Variants in KMT2C observed in about 807,000 individuals in gnomAD.
KMT2C encodes the protein histone-lysine N-methyltransferase 2C.
KMT2C carries 88 observed loss-of-function variants against 507.9 expected under a neutral mutation model. That is an observed-to-expected ratio of 0.17 (90% CI 0.15 to 0.21). The LOEUF is 0.21. KMT2C is among the 10% of genes least tolerant of loss of function. The pLI is 1.00. For missense variants in KMT2C, 4,954 were observed against 5,957.8 expected (o/e 0.83, Z 5.55); for synonymous variants, 2,049 against 2,080.8 (o/e 0.98, Z 0.42).
chr7:152,182,096 G>C lies in KMT2C; in HGVS notation c.5764C>G (p.Pro1922Ala), dbSNP rs753649191. 6.2e-7 allele frequency: 1 copy of C among 1,614,208 alleles called. No homozygotes were observed. The highest frequency in any genetic ancestry group is 1.1e-5 in the South Asian group (1 of 91,082). ...HSFSRRNSAA[P>A]VENCTPLSSV... ...GATAAAGGTGTACAGTTTTCCACTG[G>C]TGCAGCAGAATTTCTTCTGGAAAAA... The change falls in exon 36 of 59, where the codon CCA becomes GCA. Residue 1922 changes from proline to alanine, a missense_variant. Physicochemically the swap from Pro to Ala is conservative, Grantham distance 27. Transcript: ENST00000262189.
chr7:152,255,676 A>C (rs1490307518), intron 9 of KMT2C, among the ~76,000 whole-genome samples: 1 of 152,196 alleles, frequency 6.6e-6, no homozygotes, highest in Non-Finnish European at 1.5e-5. Flanking sequence ...ATGAATAGAC[A>C]GATCGATGGA....
intron 31 of KMT2C, among the ~76,000 whole-genome samples, chr7:152,192,192 G>A (rs538456936): frequency 6.6e-6 from 1 of 152,198 alleles, no homozygotes; most frequent in Non-Finnish European, 1.5e-5. Flanking sequence ...AAAACATAAA[G>A]ACAGGTCATT....
chr7:152,361,521 CCA>C (rs1159526750), intron 1 of KMT2C, among the ~76,000 whole-genome samples: 1 of 151,890 alleles, frequency 6.6e-6, no homozygotes, highest in Non-Finnish European at 1.5e-5. Context: ...TGAGATCACA[CCA>C]TTGCACTCCA....
At chr7:152,329,680 A>AAGGGAGGGAAGG (rs2096862144) in intron 3 of KMT2C, among the ~76,000 whole-genome samples, 1 of 143,122 alleles carries the variant, frequency 7.0e-6, no homozygotes, top group Non-Finnish European at 1.5e-5. Context: ...AGGAGGGAGA[A>AAGGGAGGGAAGG]AGGGAGGGAA....
At chr7:152,259,487 CACAGAG>C (rs1189006954) in intron 9 of KMT2C, among the ~76,000 whole-genome samples, 2 of 132,176 alleles carry the variant, frequency 1.5e-5, no homozygotes, top group East Asian at 5.3e-4. Flanking sequence ...CACACACACA[CACAGAG>C]AAAGCAAGAG....
chr7:152,374,825 G>A (rs954087806), intron 1 of KMT2C, among the ~76,000 whole-genome samples: 20 of 150,766 alleles, frequency 1.3e-4, no homozygotes, highest in African/African-American at 3.7e-4. Context: ...GGAGCTTGCA[G>A]TGAGCCGAGA....
chr7:152,393,216 G>A (rs571759292), intron 1 of KMT2C, among the ~76,000 whole-genome samples: 50 of 152,214 alleles, frequency 3.3e-4, no homozygotes, highest in Non-Finnish European at 6.2e-4. Flanking sequence ...CCCAGAATAG[G>A]AAAAACTATA....
chr7:152,272,615 G>A (rs753635107), intron 7 of KMT2C, among the ~76,000 whole-genome samples: 1 of 152,134 alleles, frequency 6.6e-6, no homozygotes, highest in Admixed American at 6.5e-5. Context: ...ACAATCTAAC[G>A]CATTTTAAAA....
At chr7:152,394,710 G>A (rs1028869923) in intron 1 of KMT2C, among the ~76,000 whole-genome samples, 11 of 152,018 alleles carry the variant, frequency 7.2e-5, no homozygotes, top group Non-Finnish European at 1.0e-4. Flanking sequence ...ATATAAGCCC[G>A]TGAAGGAAGG....
At chr7:152,367,471 G>A in intron 1 of KMT2C, 1 of 800,994 alleles carries the variant, frequency 1.2e-6, no homozygotes, top group Non-Finnish European at 2.1e-6. Context: ...ACCCACCTCG[G>A]CCTCCCAAAG....
At chr7:152,393,898 C>CA (rs745616896) in intron 1 of KMT2C, among the ~76,000 whole-genome samples, 22,167 of 64,904 alleles carry the variant, frequency 0.34, 2,752 homozygotes, top group African/African-American at 0.42. Context: ...AACTCCATCT[C>CA]AAAAAAAAAA....
chr7:152,216,580 T>G (rs369736384), intron 23 of KMT2C, among the ~76,000 whole-genome samples: 15 of 152,330 alleles, frequency 9.8e-5, no homozygotes, highest in Non-Finnish European at 2.2e-4. Flanking sequence ...GTATTGTACT[T>G]TTTAATAAAG....
intron 2 of KMT2C, among the ~76,000 whole-genome samples, chr7:152,338,562 C>A (rs376848936): frequency 1.1e-4 from 16 of 152,166 alleles, no homozygotes; most frequent in East Asian, 9.6e-4. Flanking sequence ...TCAAAGTGTG[C>A]CTAATAGTTC....
rs758091920 is a variant in KMT2C, at chr7:152,162,844, T to G, written c.10733A>C (p.His3578Pro). 6.2e-7 allele frequency: 1 copy of G among 1,614,138 alleles called. No individual in the cohort carries two copies. The highest frequency in any genetic ancestry group is 1.7e-5 in the Admixed American group (1 of 60,022). The change falls in exon 43 of 59, where the codon CAT becomes CCT. Residue 3578 changes from histidine to proline, a missense_variant. His to Pro is a moderately conservative substitution (Grantham distance 77). Around this residue, in one of 29 missense-constraint regions of KMT2C, gnomAD observed 801 missense variants for 751.2 expected, o/e 1.07. Transcript: ENST00000262189. ...GGTTGATCCCGGATAACTGTGTCCA[T>G]GGGTTATAGTAGAATCTTGGCCACA... ...LPCGQDSTIT[H>P]GHSYPGSTQS...
At chr7:152,409,178 T>C (rs1369249304) in intron 1 of KMT2C, among the ~76,000 whole-genome samples, 1 of 152,006 alleles carries the variant, frequency 6.6e-6, no homozygotes, top group African/African-American at 2.4e-5. Flanking sequence ...GGCTAATTTT[T>C]GTATTTTTTT....
At chr7:152,315,492 A>G (rs1461109972) in intron 3 of KMT2C, among the ~76,000 whole-genome samples, 154 bp from the exon 4 acceptor site, 1 of 152,272 alleles carries the variant, frequency 6.6e-6, no homozygotes, top group Non-Finnish European at 1.5e-5. Flanking sequence ...GTGATTACCC[A>G]TAAGAACAAT....
At chr7:152,216,689 C>T (rs1221150580) in intron 23 of KMT2C, among the ~76,000 whole-genome samples, 2 of 152,118 alleles carry the variant, frequency 1.3e-5, no homozygotes, top group Non-Finnish European at 2.9e-5. Context: ...GACATGGAAA[C>T]ATTAAGCTCA....
chr7:152,199,561 G>A, intron 26 of KMT2C, 102 bp from the exon 27 acceptor site: 1 of 641,010 alleles, frequency 1.6e-6, no homozygotes, highest in South Asian at 2.9e-5. Context: ...TAACAGAAAA[G>A]GTTTATATTT....
At chr7:152,247,610 A>C (rs2095493958) in intron 14 of KMT2C, among the ~76,000 whole-genome samples, 1 of 152,312 alleles carries the variant, frequency 6.6e-6, no homozygotes, top group Non-Finnish European at 1.5e-5. Flanking sequence ...ACTGCAGCAC[A>C]GAACTAAAAG....
Sources: gnomAD v4.1 joint callset for allele counts (sites outside exome capture counted in the v4.1 genomes callset) on GRCh38, gnomAD v4.1.1 for gene constraint, gnomAD v4.1.1 regional missense constraint, MANE v1.5 for transcripts, NCBI Gene and HGNC (gene_info 2026-07-23, HGNC 2026-07-21) for gene names.